Variants in CYFIP2 observed in about 807,000 individuals in gnomAD.
CYFIP2 encodes the protein cytoplasmic FMR1 interacting protein 2.
Under a neutral mutation model 158.7 loss-of-function variants are expected in CYFIP2, and 29 were observed. The observed-to-expected ratio is 0.18, with a 90% confidence interval of 0.14 to 0.25. The LOEUF is 0.25. CYFIP2 is among the 10% of genes least tolerant of loss of function. The probability of loss-of-function intolerance (pLI) is 1.00; values close to 1 mark genes in which losing one functional copy is unlikely to be tolerated. For synonymous variants in CYFIP2, 585 were observed against 617.6 expected (o/e 0.95, Z 0.78); for missense variants, 852 against 1,639.5 (o/e 0.52, Z 8.29).
intron 3 of CYFIP2, among the ~76,000 whole-genome samples, chr5:157,287,984 G>A (rs186112846): frequency 4.6e-5 from 7 of 152,126 alleles, no homozygotes; most frequent in South Asian, 2.1e-4. Flanking sequence ...TCGCAGCTAC[G>A]TGGGAGGCTC....
At chr5:157,283,771 A>C (rs970843202) in intron 1 of CYFIP2, among the ~76,000 whole-genome samples, 1 of 152,202 alleles carries the variant, frequency 6.6e-6, no homozygotes, top group African/African-American at 2.4e-5. Context: ...GGCAGGTATT[A>C]GTCTCGGGGC....
intron 10 of CYFIP2, among the ~76,000 whole-genome samples, chr5:157,310,624 G>T (rs1759633979): frequency 6.6e-6 from 1 of 152,224 alleles, no homozygotes; most frequent in African/African-American, 2.4e-5. Context: ...GGAGAATGCT[G>T]AACTCATTCC....
intron 23 of CYFIP2, among the ~76,000 whole-genome samples, chr5:157,343,760 GC>G (rs1223752983): frequency 3.3e-5 from 5 of 152,020 alleles, no homozygotes; most frequent in African/African-American, 1.2e-4. Flanking sequence ...CAAAGTTCAG[GC>G]CTAAGAACAG....
chr5:157,344,006 G>C (rs1762494230), intron 23 of CYFIP2, among the ~76,000 whole-genome samples: 1 of 152,110 alleles, frequency 6.6e-6, no homozygotes, highest in African/African-American at 2.4e-5. Context: ...CAAGTACTGT[G>C]AGCTCAGTGA....
At chr5:157,328,262 C>T (rs1348484734) in intron 19 of CYFIP2, among the ~76,000 whole-genome samples, 1 of 152,212 alleles carries the variant, frequency 6.6e-6, no homozygotes, top group East Asian at 1.9e-4. Context: ...GAAAGACAGA[C>T]ATCGACTAAA....
chr5:157,286,171 G>A (rs191525901), intron 2 of CYFIP2, among the ~76,000 whole-genome samples: 8 of 151,770 alleles, frequency 5.3e-5, no homozygotes, highest in Middle Eastern at 3.4e-3. Context: ...TTGAAGGTTC[G>A]GCCCATAAAC....
At chr5:157,300,076 C>T (rs1758611688) in intron 5 of CYFIP2, among the ~76,000 whole-genome samples, 1 of 152,194 alleles carries the variant, frequency 6.6e-6, no homozygotes, top group Admixed American at 6.5e-5. Flanking sequence ...TTCCTCTCTG[C>T]ATGTCTCTCA....
At chr5:157,359,435 G>T (rs1354426267) in intron 24 of CYFIP2, among the ~76,000 whole-genome samples, 3 of 152,152 alleles carry the variant, frequency 2.0e-5, no homozygotes, top group Admixed American at 1.3e-4. Flanking sequence ...TTGTCCTTCA[G>T]CGCTTGCCAC....
chr5:157,272,482 A>T (rs1478892256), intron 1 of CYFIP2, among the ~76,000 whole-genome samples: 1 of 152,234 alleles, frequency 6.6e-6, no homozygotes, highest in East Asian at 1.9e-4. Flanking sequence ...CCTTATAATG[A>T]AAAACAACCA....
At chr5:157,307,295 C>T (rs1445408069) in intron 8 of CYFIP2, among the ~76,000 whole-genome samples, 2 of 152,212 alleles carry the variant, frequency 1.3e-5, no homozygotes, top group African/African-American at 4.8e-5. Flanking sequence ...CAGCAAGGAG[C>T]TAGGAGTAGC....
At chr5:157,323,029 C>T in intron 15 of CYFIP2, 1 of 1,536,058 alleles carries the variant, frequency 6.5e-7, no homozygotes, top group Non-Finnish European at 8.7e-7. Flanking sequence ...ATCACACCGC[C>T]TGGCTGGGTT....
chr5:157,283,994 C>T (rs1757185788), intron 1 of CYFIP2, among the ~76,000 whole-genome samples: 1 of 152,202 alleles, frequency 6.6e-6, no homozygotes, highest in Non-Finnish European at 1.5e-5. Context: ...CTCAGACAAG[C>T]ACAGTGGCCC....
At chr5:157,355,859 T>C (rs1470561317) in intron 23 of CYFIP2, among the ~76,000 whole-genome samples, 1 of 152,202 alleles carries the variant, frequency 6.6e-6, no homozygotes, top group Admixed American at 6.5e-5. Context: ...TATGTTCCCA[T>C]GGCTGTGAGC....
At chr5:157,318,935 C>T (rs73815819) in intron 13 of CYFIP2, among the ~76,000 whole-genome samples, 1,612 of 152,282 alleles carry the variant, frequency 0.011, 34 homozygotes, top group African/African-American at 0.036. Context: ...TGGTTTTCAC[C>T]CAAGGCCACA....
chr5:157,358,228 A>G (rs1763551397), intron 23 of CYFIP2, among the ~76,000 whole-genome samples: 1 of 152,206 alleles, frequency 6.6e-6, no homozygotes, highest in African/African-American at 2.4e-5. Flanking sequence ...ATATACTCAG[A>G]CAAAGATCTT....
At chr5:157,315,186 T>A (rs1760039511) in intron 13 of CYFIP2, 92 bp downstream of exon 13, 2 of 1,505,292 alleles carry the variant, frequency 1.3e-6, no homozygotes, top group Non-Finnish European at 1.8e-6. Context: ...CAGCATCGGT[T>A]GCCCTAATTT....
chr5:157,386,603 C>T (rs1236502363), intron 28 of CYFIP2, among the ~76,000 whole-genome samples: 4 of 152,102 alleles, frequency 2.6e-5, no homozygotes, highest in Non-Finnish European at 5.9e-5. Flanking sequence ...AAATGCTCAG[C>T]GGTAGCTCAC....
intron 26 of CYFIP2, among the ~76,000 whole-genome samples, chr5:157,367,751 CTTTTT>C (rs373446663): frequency 1.2e-4 from 15 of 123,574 alleles, no homozygotes; most frequent in African/African-American, 3.1e-4. Flanking sequence ...CCTCTGTTCA[CTTTTT>C]TTTTTTTTTT....
chr5:157,386,402 T>G (rs571213159), intron 28 of CYFIP2, among the ~76,000 whole-genome samples: 5 of 151,970 alleles, frequency 3.3e-5, no homozygotes, highest in African/African-American at 1.2e-4. Context: ...TTTATTTTTA[T>G]AGAGATGAGG....
Sources: gnomAD v4.1 joint callset for allele counts (sites outside exome capture counted in the v4.1 genomes callset) on GRCh38, gnomAD v4.1.1 for gene constraint, MANE v1.5 for transcripts, NCBI Gene and HGNC (gene_info 2026-07-23, HGNC 2026-07-21) for gene names.